The following ASXL1 variants were observed in gnomAD, a reference collection of about 807,000 sequenced individuals.
ASXL1 encodes ASXL transcriptional regulator 1.
In ASXL1, 65 loss-of-function variants were observed where a neutral mutation model predicts 89.1. That is an observed-to-expected ratio of 0.73 (90% CI 0.60 to 0.90). The LOEUF (loss-of-function observed/expected upper bound fraction) is 0.90. Ranked by LOEUF, ASXL1 falls within the 40% of genes least tolerant of loss-of-function variation. The pLI is 0.00. For missense variants in ASXL1, 1,786 were observed against 1,942.9 expected (o/e 0.92, Z 1.52); for synonymous variants, 739 against 746.9 (o/e 0.99, Z 0.17).
intron 1 of ASXL1, among the ~76,000 whole-genome samples, chr20:32,361,652 A>G (rs939013548): frequency 6.6e-6 from 1 of 151,802 alleles, no homozygotes; most frequent in African/African-American, 2.4e-5. Flanking sequence ...AAAAAAAAGA[A>G]AAAAAGAAAA....
chr20:32,430,953 ATTTACT>A, intron 8 of ASXL1: 1 of 463,924 alleles, frequency 2.2e-6, no homozygotes, highest in Non-Finnish European at 4.0e-6. Flanking sequence ...TACTAACTAG[ATTTACT>A]TTTAGATAAT....
In ASXL1 at chr20:32,435,141, A is replaced by G. The variant is rs765488094; in HGVS notation, c.2429A>G (p.Asp810Gly). Residue 810 changes from aspartate to glycine, a missense_variant, in exon 13 of 13, where the codon GAC (aspartate) becomes GGC (glycine). By Grantham distance (94) the Asp-to-Gly change is moderately conservative (BLOSUM62 -1). Around this residue, in one of 3 missense-constraint regions of ASXL1, gnomAD observed 1,418 missense variants for 1,427.8 expected, o/e 0.99. Transcript: ENST00000375687. ...DEEQGPTVPA[D>G]NGPIPSLVGD... ...GAGCAAGGACCCACCGTTCCTGCAG[A>G]CAATGGTCCCATTCCGTCTCTAGTG... The G allele has an allele frequency of 1.2e-6, 2 of 1,613,962 alleles. No homozygotes were observed. The highest frequency in any genetic ancestry group is 3.3e-4 in the Middle Eastern group (2 of 6,062).
intron 4 of ASXL1, among the ~76,000 whole-genome samples, chr20:32,370,965 T>TAAAAA (rs776902032): frequency 3.4e-5 from 3 of 87,398 alleles, no homozygotes; most frequent in Non-Finnish European, 6.4e-5. Context: ...TTGTCTCTAT[T>TAAAAA]AAAAAAAAAA....
In ASXL1 at chr20:32,376,973, T is replaced by C. The variant is rs1033182249; in HGVS notation, c.252+7850T>C. On this transcript the variant is annotated intron_variant, in intron 4 of 12. Coordinates refer to ENST00000375687, the MANE Select transcript of ASXL1 (RefSeq NM_015338.6). ...TAATTCTGGCCAGGCACGTGGCTCA[T>C]GCCTGTAATCCCAGCACTTTGGGAG... Among the ~76,000 whole-genome samples, 140 of 140,926 alleles carry C rather than the reference T, an allele frequency of 9.9e-4. 3 individuals carry two copies. Among genetic ancestry groups the C allele is most frequent in the South Asian group, 2.9e-3 (13 of 4,430 alleles). 92.5% of individuals were successfully genotyped at this position (140,926 alleles called of 152,430 possible).
In ASXL1 at chr20:32,435,373, C is replaced by T. The variant is rs369340401; in HGVS notation, c.2661C>T (p.Thr887=). ...ESDTRQENLK[T]KALVSNSSLH... is the part of the protein sequence containing the mutation. ...ATACTAGACAAGAAAACTTGAAAAC[C>T]AAGGCTCTCGTTTCTAACAGTTCTT... The change falls in exon 13 of 13, where the codon ACC becomes ACT. Residue 887 remains threonine, a synonymous_variant. Transcript: ENST00000375687. 2 of 1,614,118 alleles carry T rather than the reference C, an allele frequency of 1.2e-6. No individual in the cohort carries two copies. Among genetic ancestry groups the T allele is most frequent in the Non-Finnish European group, 8.5e-7 (1 of 1,180,028 alleles).
intron 4 of ASXL1, among the ~76,000 whole-genome samples, chr20:32,406,894 A>G (rs1195941461): frequency 6.6e-6 from 1 of 151,028 alleles, no homozygotes; most frequent in Non-Finnish European, 1.5e-5. Context: ...CTGACTCTCT[A>G]CTCTTGTCTA....
At chr20:32,419,939 C>G (rs773527274) in intron 4 of ASXL1, among the ~76,000 whole-genome samples, 1 of 152,022 alleles carries the variant, frequency 6.6e-6, no homozygotes, top group African/African-American at 2.4e-5. Context: ...CTCGGCCTCC[C>G]GAAATGCTGG....
chr20:32,388,069 AG>A (rs2048610104), intron 4 of ASXL1, among the ~76,000 whole-genome samples: 1 of 152,194 alleles, frequency 6.6e-6, no homozygotes, highest in South Asian at 2.1e-4. Context: ...CTGCCACCAG[AG>A]TGGTTTAAGC....
intron 4 of ASXL1, among the ~76,000 whole-genome samples, chr20:32,414,673 C>CTTAAATA (rs1206914022): frequency 6.6e-6 from 1 of 152,094 alleles, no homozygotes; most frequent in Non-Finnish European, 1.5e-5. Flanking sequence ...TAACAATGTG[C>CTTAAATA]TTAAATAGCT....
At chr20:32,380,110 C>T (rs2424880) in intron 4 of ASXL1, among the ~76,000 whole-genome samples, 49,884 of 151,064 alleles carry the variant, frequency 0.33, 9,530 homozygotes, top group Middle Eastern at 0.51. Context: ...AGTGAAACTC[C>T]ATCTCTACTA....
chr20:32,400,364 T>C (rs1187566976), intron 4 of ASXL1, among the ~76,000 whole-genome samples: 1 of 152,206 alleles, frequency 6.6e-6, no homozygotes, highest in East Asian at 1.9e-4. Flanking sequence ...TGTTATTGGA[T>C]GCAGTTAAGT....
At chr20:32,377,893 T>C (rs1465978912) in intron 4 of ASXL1, among the ~76,000 whole-genome samples, 1 of 151,908 alleles carries the variant, frequency 6.6e-6, no homozygotes, top group Non-Finnish European at 1.5e-5. Flanking sequence ...CCTGAAGTGA[T>C]CTGCCTGCCT....
chr20:32,402,227 C>T, intron 4 of ASXL1, among the ~76,000 whole-genome samples: 1 of 152,256 alleles, frequency 6.6e-6, no homozygotes, highest in East Asian at 1.9e-4. Flanking sequence ...AGCATTTCTC[C>T]CCCCTAAATT....
At chr20:32,419,034 T>C (rs1448746178) in intron 4 of ASXL1, among the ~76,000 whole-genome samples, 1 of 151,948 alleles carries the variant, frequency 6.6e-6, no homozygotes, top group East Asian at 1.9e-4. Flanking sequence ...GGTTTCATCA[T>C]GTTGGTCAGG....
In ASXL1 at chr20:32,438,338, G is replaced by C. The variant is rs1320425296; in HGVS notation, c.*1000G>C. The C allele has an allele frequency of 4.3e-6, 1 of 233,350 alleles. No homozygotes were observed. Among genetic ancestry groups the C allele is most frequent in the East Asian group, 6.0e-5 (1 of 16,582 alleles). 14.5% of individuals were successfully genotyped at this position (233,350 alleles called of 1,614,324 possible). On this transcript the variant is annotated 3_prime_UTR_variant, in exon 13 of 13. Transcript: ENST00000375687. Reference sequence around the variant, plus strand: ...GGCTGATTCTGTAAATGGATGTATTGTACAGAGAACATGAACGTCTCTTCC... The same window carrying C: ...GGCTGATTCTGTAAATGGATGTATTCTACAGAGAACATGAACGTCTCTTCC...
intron 4 of ASXL1, among the ~76,000 whole-genome samples, chr20:32,405,034 G>T (rs2048932958): frequency 6.6e-6 from 1 of 151,950 alleles, no homozygotes; most frequent in African/African-American, 2.4e-5. Context: ...TTTTTATTTT[G>T]TAGCAATTTT....
chr20:32,377,431 G>A (rs1016776765), intron 4 of ASXL1, among the ~76,000 whole-genome samples: 1 of 151,816 alleles, frequency 6.6e-6, no homozygotes, highest in East Asian at 1.9e-4. Context: ...CATGACAAAG[G>A]GTTTCTTCTT....
At chr20:32,434,369 T>C in intron 12 of ASXL1, 63 bp from the exon 13 acceptor site, 2 of 1,590,272 alleles carry the variant, frequency 1.3e-6, no homozygotes, top group South Asian at 1.1e-5. Context: ...CTAGTTTTGC[T>C]TTACAGTCCC....
rs763784731 is a variant in ASXL1, at chr20:32,436,539, C to T, written c.3827C>T (p.Ser1276Phe). The change falls in exon 13 of 13, where the codon TCT becomes TTT. Residue 1276 changes from serine (S) to phenylalanine (F), a missense_variant. Coordinates refer to ENST00000375687, the MANE Select transcript of ASXL1 (RefSeq NM_015338.6). Reference sequence around the variant, plus strand: ...ACCTCGAGAACACCTCGTTTCTCATCTCCAAATGTGATCTCCTTTGGTCCA... The same window carrying T: ...ACCTCGAGAACACCTCGTTTCTCATTTCCAAATGTGATCTCCTTTGGTCCA... Reference protein sequence around the residue: ...LTTSRTPRFSSPNVISFGPEQ... With the variant: ...LTTSRTPRFSFPNVISFGPEQ... 5 of 1,614,108 alleles carry T rather than the reference C, an allele frequency of 3.1e-6. No homozygotes were observed. The African/African-American group carries it at 5.3e-5, about 17-fold the overall frequency.
Sources: gnomAD v4.1 joint callset for allele counts (sites outside exome capture counted in the v4.1 genomes callset) on GRCh38, gnomAD v4.1.1 for gene constraint, gnomAD v4.1.1 regional missense constraint, MANE v1.5 for transcripts, NCBI Gene and HGNC (gene_info 2026-07-23, HGNC 2026-07-21) for gene names.